The following H2AZ2 variants were observed in gnomAD, a reference collection of about 807,000 sequenced individuals.
The protein encoded by H2AZ2 is H2A.Z variant histone 2, also known as histone H2A.V.
Under a neutral mutation model 15.5 loss-of-function variants are expected in H2AZ2, and 5 were observed. That is an observed-to-expected ratio of 0.32 (90% CI 0.17 to 0.68). The LOEUF is 0.68. Ranked by LOEUF, H2AZ2 falls within the 30% of genes least tolerant of loss-of-function variation. The pLI, the probability that H2AZ2 is intolerant of heterozygous loss-of-function variation, is 0.72. For missense variants in H2AZ2, 42 were observed against 162.5 expected, an observed-to-expected ratio of 0.26 and a Z score of 4.03; for synonymous variants, 44 against 57.4, an observed-to-expected ratio of 0.77 and a Z score of 1.05.
intron 3 of H2AZ2, among the ~76,000 whole-genome samples, chr7:44,836,888 C>T (rs1348181765): frequency 1.3e-5 from 2 of 151,290 alleles, no homozygotes; most frequent in Non-Finnish European, 1.5e-5. Flanking sequence ...CCCAGCTACT[C>T]GGGAGGGTGA....
At chr7:44,834,780 A>C in intron 4 of H2AZ2, 1 of 345,280 alleles carries the variant, frequency 2.9e-6, no homozygotes, top group Non-Finnish European at 5.2e-6. Flanking sequence ...AAGAGTAACC[A>C]TAGCTTTTTT....
chr7:44,847,852 C>T (rs574737099), intron 1 of H2AZ2, 117 bp downstream of exon 1: 1 of 1,395,778 alleles, frequency 7.2e-7, no homozygotes, highest in African/African-American at 1.5e-5. Context: ...GGGGCTCGGC[C>T]GGACGAAGCC....
intron 2 of H2AZ2, among the ~76,000 whole-genome samples, chr7:44,842,004 G>A (rs55751098): frequency 6.6e-6 from 1 of 152,092 alleles, no homozygotes; most frequent in Non-Finnish European, 1.5e-5. Flanking sequence ...ACCCTAACTT[G>A]ACCTTTGAAG....
At chr7:44,834,923 C>T (rs1405953885) in intron 4 of H2AZ2, 1 of 174,664 alleles carries the variant, frequency 5.7e-6, no homozygotes, top group African/African-American at 2.4e-5. Flanking sequence ...GCTGGGACTA[C>T]AGGTGTGCAC....
In H2AZ2 at chr7:44,832,773, CCT is replaced by C. The variant is rs917277312; in HGVS notation, c.*1726_*1727del. ...TACCAACCTGGGCAACATAGGGAGA[CCT>C]CTGTCTCTTACATAAATAAAAAAAA... On this transcript the variant is annotated 3_prime_UTR_variant, in exon 5 of 5. Coordinates refer to ENST00000308153, the MANE Select transcript of H2AZ2 (RefSeq NM_012412.5). 6.6e-6 allele frequency among the ~76,000 whole-genome samples: 1 copy of C among 151,942 alleles called. No homozygotes were observed. The highest frequency in any genetic ancestry group is 2.4e-5 in the African/African-American group (1 of 41,362).
chr7:44,847,948 G>A, intron 1 of H2AZ2, 21 bp downstream of exon 1: 1 of 1,500,974 alleles, frequency 6.7e-7, no homozygotes, highest in Middle Eastern at 1.7e-4. Context: ...CCGTGCCCCC[G>A]GCCCACCCGG....
chr7:44,845,779 T>C (rs1793382570), intron 1 of H2AZ2, among the ~76,000 whole-genome samples: 1 of 152,160 alleles, frequency 6.6e-6, no homozygotes, highest in Admixed American at 6.6e-5. Flanking sequence ...ATTTAGAGAT[T>C]CCTGATACAT....
chr7:44,843,376 T>G, intron 1 of H2AZ2, 22 bp from the exon 2 acceptor site: 2 of 1,573,636 alleles, frequency 1.3e-6, no homozygotes, highest in African/African-American at 2.7e-5. Context: ...AAAAAATTTT[T>G]TTGAATGAAA....
intron 1 of H2AZ2, among the ~76,000 whole-genome samples, chr7:44,845,014 A>T (rs1477844353): frequency 6.6e-6 from 1 of 152,212 alleles, no homozygotes; most frequent in Non-Finnish European, 1.5e-5. Context: ...TAAAAAAAGA[A>T]ATCAGTTTAC....
intron 3 of H2AZ2, among the ~76,000 whole-genome samples, chr7:44,837,995 G>A (rs962161499): frequency 2.7e-5 from 4 of 150,140 alleles, no homozygotes; most frequent in African/African-American, 9.8e-5. Context: ...TTTTTAAGAC[G>A]GAGTCTCGTT....
intron 1 of H2AZ2, among the ~76,000 whole-genome samples, chr7:44,845,350 CAGAATGCCTCATATTTTA>C (rs1793371893): frequency 6.6e-6 from 1 of 152,048 alleles, no homozygotes; most frequent in East Asian, 1.9e-4. Context: ...CTATTTCTAC[CAGAATGCCTCATATTTTA>C]ATAATTTTTG....
At chr7:44,846,032 C>CAT (rs1793390810) in intron 1 of H2AZ2, among the ~76,000 whole-genome samples, 1 of 89,742 alleles carries the variant, frequency 1.1e-5, no homozygotes, top group Non-Finnish European at 2.7e-5. Flanking sequence ...ATTACACACA[C>CAT]ACACACACAC....
chr7:44,830,951 T>C (rs1442113128), downstream of H2AZ2, among the ~76,000 whole-genome samples: 1 of 152,198 alleles, frequency 6.6e-6, no homozygotes, highest in Non-Finnish European at 1.5e-5. Flanking sequence ...ATTAGGCTAT[T>C]GGACTCCAGC....
downstream of H2AZ2, among the ~76,000 whole-genome samples, chr7:44,831,214 G>A (rs6959442): frequency 0.67 from 101,959 of 152,038 alleles, 37,476 homozygotes; most frequent in Non-Finnish European, 0.84. Context: ...TTTTAGATAC[G>A]TATTAAGATA....
chr7:44,837,025 A>C (rs1793140778), intron 3 of H2AZ2, among the ~76,000 whole-genome samples: 1 of 150,254 alleles, frequency 6.7e-6, no homozygotes, highest in Non-Finnish European at 1.5e-5. Flanking sequence ...AAAACAAAAA[A>C]CAAAACAACA....
downstream of H2AZ2, chr7:44,827,967 T>G (rs1465834963): frequency 6.6e-6 from 1 of 152,238 alleles, no homozygotes; most frequent in Non-Finnish European, 1.5e-5. Flanking sequence ...GTGCATAATT[T>G]GAATCTAGGG....
chr7:44,847,595 G>A (rs963153440), intron 1 of H2AZ2, among the ~76,000 whole-genome samples: 2 of 152,156 alleles, frequency 1.3e-5, no homozygotes, highest in Admixed American at 6.5e-5. Flanking sequence ...TTGTACAGCG[G>A]CAGCCTGTTT....
Position 44,841,413 on chromosome 7 carries a change from AAATC to A in H2AZ2, c.82-405_82-402del, listed in dbSNP as rs59575563. ...CAAGAGGTGATCTGATAGTTAAGAA[AAATC>A]AATACTATTATCTCATTGTGGTTCT... On this transcript the variant is annotated intron_variant, in intron 2 of 4. Transcript: ENST00000308153. Among the ~76,000 whole-genome samples, 481 of 152,316 alleles carry A rather than the reference AAATC, an allele frequency of 3.2e-3. 4 individuals carry two copies. Among genetic ancestry groups the A allele is most frequent in the African/African-American group, 0.01 (432 of 41,578 alleles).
intron 2 of H2AZ2, 43 bp downstream of exon 2, chr7:44,843,234 C>T (rs1375684360): frequency 9.2e-7 from 1 of 1,085,298 alleles, no homozygotes; most frequent in Non-Finnish European, 1.2e-6. Context: ...TAAATTACAA[C>T]AGTAAAGAAA....
Sources: allele counts gnomAD v4.1 joint callset (sites outside exome capture counted in the v4.1 genomes callset), GRCh38; gene constraint gnomAD v4.1.1; transcripts MANE v1.5; gene names NCBI Gene and HGNC (gene_info 2026-07-23, HGNC 2026-07-21).